The following EPS15L1 variants were observed in gnomAD, a reference collection of about 807,000 sequenced individuals.
EPS15L1 encodes the protein epidermal growth factor receptor substrate 15-like 1.
A neutral mutation model predicts 117.1 loss-of-function variants in EPS15L1; 43 were observed. The observed-to-expected ratio is 0.37, with a 90% CI of 0.29 to 0.47. The LOEUF is 0.47. EPS15L1 is among the 20% of genes least tolerant of loss of function. EPS15L1 has a pLI of 0.99. For missense variants in EPS15L1, 981 were observed against 1,164.0 expected (o/e 0.84, Z 2.29); for synonymous variants, 459 against 470.5 (o/e 0.98, Z 0.32).
At chr19:16,459,106 T>C (rs1000526847) in intron 1 of EPS15L1, among the ~76,000 whole-genome samples, 1 of 152,160 alleles carries the variant, frequency 6.6e-6, no homozygotes, top group Non-Finnish European at 1.5e-5. Context: ...TATCTAAACA[T>C]AGCAAAGGCA....
At chr19:16,463,340 C>A (rs1470427770) in intron 1 of EPS15L1, among the ~76,000 whole-genome samples, 1 of 152,306 alleles carries the variant, frequency 6.6e-6, no homozygotes. Context: ...TCCTCTCCCA[C>A]CTAGACCCTC....
chr19:16,376,252 G>A (rs530240956), intron 22 of EPS15L1, among the ~76,000 whole-genome samples: 2 of 152,174 alleles, frequency 1.3e-5, no homozygotes, highest in African/African-American at 2.4e-5. Flanking sequence ...GTCCCAGACC[G>A]GGGCACAGAT....
intron 13 of EPS15L1, among the ~76,000 whole-genome samples, chr19:16,408,534 T>C (rs1430627511): frequency 6.6e-6 from 1 of 151,854 alleles, no homozygotes; most frequent in African/African-American, 2.4e-5. Flanking sequence ...GGGGCACGCA[T>C]CTGCATTCTC....
intron 21 of EPS15L1, among the ~76,000 whole-genome samples, chr19:16,382,495 T>C (rs950393607): frequency 2.0e-5 from 3 of 152,154 alleles, no homozygotes; most frequent in East Asian, 1.9e-4. Flanking sequence ...AGTTCACCAG[T>C]TGAAGAACTG....
chr19:16,424,540 G>A (rs1177201304), intron 9 of EPS15L1, among the ~76,000 whole-genome samples: 1 of 152,048 alleles, frequency 6.6e-6, no homozygotes, highest in Non-Finnish European at 1.5e-5. Flanking sequence ...GCTGGGCACG[G>A]TGGCTCACAC....
At chr19:16,384,494 A>C (rs2092398188) in intron 21 of EPS15L1, among the ~76,000 whole-genome samples, 1 of 152,164 alleles carries the variant, frequency 6.6e-6, no homozygotes, top group South Asian at 2.1e-4. Context: ...TGCTACCTTA[A>C]AGATGAGCTC....
At chr19:16,412,858 GC>G (rs1180478863) in intron 13 of EPS15L1, 10 of 563,636 alleles carry the variant, frequency 1.8e-5, no homozygotes, top group Non-Finnish European at 3.0e-5. Context: ...CAGAGGCAAG[GC>G]CGAGGATAAG....
Position 16,460,828 on chromosome 19 carries a change from G to A in EPS15L1, c.33+11085C>T, listed in dbSNP as rs555656851. On this transcript the variant is annotated intron_variant, in intron 1 of 23. Transcript: ENST00000455140. ...AACAGTGCCATTTGTAGGGTGTGGG[G>A]GGAATTGAGGGGGACAGTCCATCCC... Among the ~76,000 whole-genome samples the A allele has an allele frequency of 5.3e-5, 8 of 152,214 alleles. No individual in the cohort carries two copies. The South Asian group carries it at 8.3e-4, about 16-fold the overall frequency.
chr19:16,441,008 G>GACAGTCACTCCTGCCCC, intron 3 of EPS15L1, 99 bp from the exon 4 acceptor site: 1 of 1,158,926 alleles, frequency 8.6e-7, no homozygotes, highest in Non-Finnish European at 1.3e-6. Flanking sequence ...GGCCTTGCGG[G>GACAGTCACTCCTGCCCC]GCAGGAGTGA....
At chr19:16,451,582 G>A (rs986925936) in intron 1 of EPS15L1, among the ~76,000 whole-genome samples, 5 of 150,812 alleles carry the variant, frequency 3.3e-5, no homozygotes, top group African/African-American at 1.2e-4. Context: ...AGGCTGGAGT[G>A]CAGTGGTGAG....
At position 16,437,777 on chromosome 19, in the gene EPS15L1, G is replaced by C; in HGVS notation, c.302C>G (p.Pro101Arg). 6.2e-7 allele frequency: 1 copy of C among 1,613,730 alleles called. No individual in the cohort carries two copies. The highest frequency in any genetic ancestry group is 8.5e-7 in the Non-Finnish European group (1 of 1,179,666). Residue 101 changes from proline to arginine, a missense_variant, in exon 5 of 24, where the codon CCT (proline) becomes CGT (arginine). Transcript: ENST00000455140. ...LSNLNLSMPP[P>R]KFHDTSSPLM... ...AAGGACTTGGACACTCACAAATTTAGGCGGTGGCATGCTCAAATTCAGATT... is the reference window on the plus strand; with the variant it reads ...AAGGACTTGGACACTCACAAATTTACGCGGTGGCATGCTCAAATTCAGATT...
chr19:16,437,714 C>T (rs1310922178), intron 5 of EPS15L1, 56 bp downstream of exon 5: 53 of 1,229,458 alleles, frequency 4.3e-5, no homozygotes, highest in Non-Finnish European at 6.3e-5. Flanking sequence ...TGCACATACA[C>T]ACACACACAC....
intron 1 of EPS15L1, among the ~76,000 whole-genome samples, chr19:16,465,436 C>T (rs189982614): frequency 1.5e-3 from 229 of 152,172 alleles, no homozygotes; most frequent in African/African-American, 5.3e-3. Context: ...GTAATCTCAG[C>T]GCTTTGGAGG....
chr19:16,380,986 G>C (rs2092355880), intron 21 of EPS15L1, among the ~76,000 whole-genome samples: 1 of 152,218 alleles, frequency 6.6e-6, no homozygotes. Context: ...AGACAGAACA[G>C]GGAGGTGGCC....
intron 19 of EPS15L1, among the ~76,000 whole-genome samples, chr19:16,387,219 A>C (rs948159903): frequency 6.6e-6 from 1 of 152,206 alleles, no homozygotes; most frequent in African/African-American, 2.4e-5. Context: ...TACAATAAAA[A>C]CTTCATCACC....
rs568476160 is a variant in EPS15L1, at chr19:16,384,021, A to AC, written c.2247+1107dup. The AC allele has an allele frequency of 2.2e-4, 33 of 151,900 alleles. No individual in the cohort carries two copies. In the East Asian group the frequency reaches 4.9e-3, roughly 22 times the overall value. The allele number at this position is 151,900 out of a possible 1,614,324, so 9.4% of individuals were successfully genotyped here. A position where few individuals can be genotyped will look rare whatever the true frequency, so the allele number is the denominator to read the frequency against. ...GGACTGGGCCCAGCTGCTCCAGGGG[A>AC]CCCCCCACACCGGCCACCCCTTACC... On this transcript the variant is annotated intron_variant, in intron 21 of 23. Coordinates refer to ENST00000455140, the MANE Select transcript of EPS15L1 (RefSeq NM_001258374.3).
At chr19:16,453,091 C>T (rs1337215706) in intron 1 of EPS15L1, among the ~76,000 whole-genome samples, 3 of 151,928 alleles carry the variant, frequency 2.0e-5, no homozygotes, top group Non-Finnish European at 2.9e-5. Flanking sequence ...TGAGCCACCG[C>T]GCCCGGGCTT....
chr19:16,467,094 G>A (rs537897594), intron 1 of EPS15L1, among the ~76,000 whole-genome samples: 3 of 151,450 alleles, frequency 2.0e-5, no homozygotes, highest in African/African-American at 4.8e-5. Flanking sequence ...AACATCTAAG[G>A]ACCTAAACAT....
At chr19:16,434,801 G>A in intron 6 of EPS15L1, 1 of 248,542 alleles carries the variant, frequency 4.0e-6, no homozygotes, top group Non-Finnish European at 7.8e-6. Flanking sequence ...GTGGGGCAGT[G>A]TCTTTGCAGG....
Sources: allele counts gnomAD v4.1 joint callset (sites outside exome capture counted in the v4.1 genomes callset), GRCh38; gene constraint gnomAD v4.1.1; transcripts MANE v1.5; gene names NCBI Gene and HGNC (gene_info 2026-07-23, HGNC 2026-07-21).